The following NSUN3 variants were observed in gnomAD, a reference collection of about 807,000 sequenced individuals.
The protein encoded by NSUN3 is tRNA (cytosine(34)-C(5))-methyltransferase, mitochondrial.
Under a neutral mutation model 36.8 loss-of-function variants are expected in NSUN3, and 24 were observed. The observed-to-expected ratio is 0.65, with a 90% CI of 0.47 to 0.92. The LOEUF (loss-of-function observed/expected upper bound fraction) is 0.92. Among genes scored for constraint, NSUN3 ranks in the 40% least tolerant of loss-of-function variants. The pLI is 0.00. For missense variants in NSUN3, 381 were observed against 392.8 expected (o/e 0.97, Z 0.25); for synonymous variants, 146 against 145.2 (o/e 1.01, Z -0.04).
chr3:94,101,153 G>C (rs958096723), intron 5 of NSUN3, among the ~76,000 whole-genome samples: 2 of 151,756 alleles, frequency 1.3e-5, no homozygotes, highest in Non-Finnish European at 2.9e-5. Flanking sequence ...TACCACACTT[G>C]CCTAATTTTT....
At chr3:94,083,684 G>A (rs1039951271) in intron 2 of NSUN3, among the ~76,000 whole-genome samples, 3 of 152,190 alleles carry the variant, frequency 2.0e-5, no homozygotes, top group East Asian at 1.9e-4. Flanking sequence ...TGCAGAAAAT[G>A]TGGGGGTTTG....
chr3:94,122,722 T>G (rs1380121005), intron 5 of NSUN3, among the ~76,000 whole-genome samples: 1 of 152,198 alleles, frequency 6.6e-6, no homozygotes, highest in African/African-American at 2.4e-5. Flanking sequence ...TTGCCTTTTA[T>G]TTTTATAAAA....
rs1235053320 is a variant in NSUN3 at position 94,130,528 on chromosome 3, T to G, written c.*4038T>G. ...GCGTGAATTTTTATACAAACACTTA[T>G]GAGTTATATAAAATGTTCTAAAACT... On this transcript the variant is annotated 3_prime_UTR_variant, in exon 6 of 6. Transcript: ENST00000314622. 1.3e-5 allele frequency among the ~76,000 whole-genome samples: 2 copies of G among 152,218 alleles called. No individual in the cohort carries two copies. Among genetic ancestry groups the G allele is most frequent in the Admixed American group, 1.3e-4 (2 of 15,288 alleles).
intron 3 of NSUN3, among the ~76,000 whole-genome samples, chr3:94,085,600 A>T (rs2107248379): frequency 6.6e-6 from 1 of 152,254 alleles, no homozygotes; most frequent in East Asian, 1.9e-4. Context: ...GTACAAAAAG[A>T]TTCAAAAAAT....
At chr3:94,119,887 G>A (rs1001838439) in intron 5 of NSUN3, among the ~76,000 whole-genome samples, 2 of 152,234 alleles carry the variant, frequency 1.3e-5, no homozygotes, top group Non-Finnish European at 2.9e-5. Flanking sequence ...AAGGCTTTGT[G>A]TTACCACATA....
At chr3:94,094,486 A>G (rs963496736) in intron 4 of NSUN3, among the ~76,000 whole-genome samples, 192 bp downstream of exon 4, 2 of 152,230 alleles carry the variant, frequency 1.3e-5, no homozygotes, top group African/African-American at 2.4e-5. Context: ...GGAAGCAGTA[A>G]CATTGGGATT....
At chr3:94,095,175 AGTGTATTTTG>A in intron 5 of NSUN3, 21 bp downstream of exon 5, 1 of 1,609,604 alleles carries the variant, frequency 6.2e-7, no homozygotes, top group Non-Finnish European at 8.5e-7. Flanking sequence ...TTAATACAAA[AGTGTATTTTG>A]GTGTCTGATG....
intron 3 of NSUN3, among the ~76,000 whole-genome samples, chr3:94,089,415 A>T (rs2077305698): frequency 6.6e-6 from 1 of 152,208 alleles, no homozygotes; most frequent in African/African-American, 2.4e-5. Context: ...AATTTCCCAA[A>T]CAGATAAAAA....
chr3:94,071,989 T>C (rs1172872709), intron 2 of NSUN3, among the ~76,000 whole-genome samples: 1 of 152,102 alleles, frequency 6.6e-6, no homozygotes, highest in Non-Finnish European at 1.5e-5. Flanking sequence ...GTGGCAGGTG[T>C]GTGCAAGGGG....
intron 2 of NSUN3, among the ~76,000 whole-genome samples, chr3:94,072,640 A>C (rs1222180893): frequency 1.3e-5 from 2 of 152,098 alleles, no homozygotes; most frequent in African/African-American, 4.8e-5. Context: ...AATTTTAAAG[A>C]AACTTGTTAG....
intron 3 of NSUN3, among the ~76,000 whole-genome samples, chr3:94,089,064 C>G (rs1409577922): frequency 6.6e-6 from 1 of 152,218 alleles, no homozygotes; most frequent in Admixed American, 6.5e-5. Flanking sequence ...GTTGTACTCT[C>G]AAGTGAATTT....
rs150204553 is a variant in NSUN3 at position 94,081,074 on chromosome 3, G to T, written c.123-3033G>T. ...AAGGGAATCTCCTGGCCTGCAGGTT[G>T]CATAGACCATGGGGAAAGCGTGGTA... On this transcript the variant is annotated intron_variant, in intron 2 of 5. Transcript: ENST00000314622. Among the ~76,000 whole-genome samples, 195 of 152,340 alleles carry T rather than the reference G, an allele frequency of 1.3e-3. 1 individual carries two copies. The highest frequency in any genetic ancestry group is 4.3e-3 in the African/African-American group (177 of 41,574).
chr3:94,077,173 A>G (rs1408762875), intron 2 of NSUN3: 4 of 710,780 alleles, frequency 5.6e-6, no homozygotes, highest in African/African-American at 1.8e-5. Context: ...CTTGTCAGTC[A>G]TGGAGGCCAG....
intron 3 of NSUN3, among the ~76,000 whole-genome samples, chr3:94,085,946 CTTT>C (rs1249632543): frequency 7.2e-6 from 1 of 137,954 alleles, no homozygotes; most frequent in African/African-American, 2.6e-5. Flanking sequence ...GCAGTGTTGC[CTTT>C]TTTTTTTTTT....
chr3:94,090,754 G>T (rs2077311649), intron 3 of NSUN3, among the ~76,000 whole-genome samples: 1 of 152,120 alleles, frequency 6.6e-6, no homozygotes, highest in Non-Finnish European at 1.5e-5. Context: ...AACCTTGAAG[G>T]TAAATTACGT....
At chr3:94,101,949 A>C (rs2077367570) in intron 5 of NSUN3, among the ~76,000 whole-genome samples, 1 of 152,164 alleles carries the variant, frequency 6.6e-6, no homozygotes. Flanking sequence ...ATTTATAACA[A>C]AAATAAAGGT....
chr3:94,067,625 G>A (rs2077210408), intron 2 of NSUN3, among the ~76,000 whole-genome samples: 1 of 152,084 alleles, frequency 6.6e-6, no homozygotes, highest in Non-Finnish European at 1.5e-5. Context: ...TTACCTGTTT[G>A]CTTATTTTAG....
At chr3:94,106,988 A>G (rs1348031456) in intron 5 of NSUN3, among the ~76,000 whole-genome samples, 2 of 150,932 alleles carry the variant, frequency 1.3e-5, no homozygotes, top group Admixed American at 6.6e-5. Flanking sequence ...TTTTTTCTTG[A>G]GACAGGTGCA....
At position 94,114,730 on chromosome 3, in the gene NSUN3, C is replaced by T. The variant is rs1042621758; in HGVS notation, c.744-11481C>T. Among the ~76,000 whole-genome samples, 6 of 152,258 alleles carry T rather than the reference C, an allele frequency of 3.9e-5. No individual in the cohort carries two copies. The East Asian group carries it at 5.8e-4, about 15-fold the overall frequency. ...CCCATCATCCGGGTAGTAAGCATAG[C>T]ACCAAATAGTTTTTCCACCCTTACC... On this transcript the variant is annotated intron_variant, in intron 5 of 5. Transcript: ENST00000314622.
Sources: gnomAD v4.1 joint callset for allele counts (sites outside exome capture counted in the v4.1 genomes callset) on GRCh38, gnomAD v4.1.1 for gene constraint, MANE v1.5 for transcripts, NCBI Gene and HGNC (gene_info 2026-07-23, HGNC 2026-07-21) for gene names.